NFIB: variants seen among roughly 807,000 people sequenced by gnomAD.
NFIB encodes nuclear factor 1 B-type.
A neutral mutation model predicts 61.5 loss-of-function variants in NFIB; 11 were observed. The ratio of observed to expected loss-of-function variants is 0.18; its 90% CI spans 0.11 to 0.30. The LOEUF (loss-of-function observed/expected upper bound fraction) is 0.30, where lower values mean the gene tolerates loss of function less well. Ranked by LOEUF, NFIB falls within the 10% of genes least tolerant of loss-of-function variation. The pLI is 1.00. For synonymous variants in NFIB, 260 were observed against 216.5 expected, an observed-to-expected ratio of 1.20 and a Z score of -1.76; for missense variants, 471 against 608.9, an observed-to-expected ratio of 0.77 and a Z score of 2.38.
intron 1 of NFIB, among the ~76,000 whole-genome samples, chr9:14,376,556 G>A (rs547121601): frequency 1.2e-4 from 18 of 145,706 alleles, no homozygotes; most frequent in East Asian, 6.0e-4. Context: ...TCACTCTGTC[G>A]TTCAGGGTGG....
chr9:14,134,375 TCTAC>T (rs2040756679), intron 6 of NFIB, among the ~76,000 whole-genome samples: 1 of 152,096 alleles, frequency 6.6e-6, no homozygotes, highest in Non-Finnish European at 1.5e-5. Flanking sequence ...TCACTGAACT[TCTAC>T]TTGGTGACTT....
intron 4 of NFIB, among the ~76,000 whole-genome samples, chr9:14,153,803 C>A (rs897340530): frequency 6.6e-6 from 1 of 152,022 alleles, no homozygotes; most frequent in Middle Eastern, 3.2e-3. Context: ...TTAGCAAACC[C>A]CTATTTCATA....
rs575956551 is a variant in NFIB, at chr9:14,232,062, A to G, written c.563-52282T>C. The stretch of plus-strand genomic sequence containing the variant: ...TCGCAGTCTCTTATCAGTATGGAAC[A>G]GTATGATTTTACTCTAGTTTTTTGT... On this transcript the variant is annotated intron_variant, in intron 2 of 10. Coordinates refer to ENST00000380953, the MANE Select transcript of NFIB (RefSeq NM_001190737.2). Among the ~76,000 whole-genome samples the G allele has an allele frequency of 2.6e-5, 4 of 152,320 alleles. No homozygotes were observed. In the East Asian group the frequency reaches 7.7e-4, roughly 29 times the overall value.
chr9:14,375,901 A>C (rs555237749), intron 1 of NFIB, among the ~76,000 whole-genome samples: 2 of 152,326 alleles, frequency 1.3e-5, no homozygotes, highest in East Asian at 3.9e-4. Context: ...TACATCATCC[A>C]AGGCTTATTC....
At chr9:14,315,661 C>T (rs1010505858), upstream of NFIB, among the ~76,000 whole-genome samples, 1 of 149,816 alleles carries the variant, frequency 6.7e-6, no homozygotes, top group African/African-American at 2.4e-5. Context: ...CCCCGTCGCC[C>T]GTGCAGGCTC....
At chr9:14,093,290 G>A (rs759810749) in intron 10 of NFIB, among the ~76,000 whole-genome samples, 3 of 152,034 alleles carry the variant, frequency 2.0e-5, no homozygotes, top group African/African-American at 4.8e-5. Context: ...TAAGTATCCA[G>A]TATACGAATA....
Position 14,364,743 on chromosome 9 carries a change from G to A in NFIB, c.108+33781C>T, listed in dbSNP as rs568800980. On this transcript the variant is annotated intron_variant, in intron 1 of 8. Transcript: ENST00000380934. ...TATCCAGTCTTAAAGAGCACGTTTTGACAGTTACTATGGTTTACCTCTCCA... is the reference window on the plus strand; with the variant it reads ...TATCCAGTCTTAAAGAGCACGTTTTAACAGTTACTATGGTTTACCTCTCCA... 2.6e-5 allele frequency among the ~76,000 whole-genome samples: 4 copies of A among 152,318 alleles called. No individual in the cohort carries two copies. The East Asian group carries it at 7.7e-4, about 29-fold the overall frequency.
chr9:14,179,636 C>G (rs948980707), intron 3 of NFIB, 91 bp downstream of exon 3: 1 of 1,385,290 alleles, frequency 7.2e-7, no homozygotes, highest in Non-Finnish European at 1.0e-6. Flanking sequence ...ACAAAATAGG[C>G]AGCTGACCAA....
intron 2 of NFIB, among the ~76,000 whole-genome samples, chr9:14,196,688 T>TAA (rs35353437): frequency 2.1e-5 from 3 of 140,410 alleles, no homozygotes; most frequent in Non-Finnish European, 3.1e-5. Context: ...TATTCTAACT[T>TAA]AAAAAAAAAA....
At chr9:14,523,051 T>C in the NFIB span, among the ~76,000 whole-genome samples, 4 of 152,172 alleles carry the variant, frequency 2.6e-5, no homozygotes, top group Admixed American at 6.5e-5. Context: ...AAAGAAAAGT[T>C]TCTGCTGGTA....
At chr9:14,324,903 A>G (rs912439777) in intron 1 of NFIB, among the ~76,000 whole-genome samples, 35 of 152,262 alleles carry the variant, frequency 2.3e-4, no homozygotes, top group Middle Eastern at 3.4e-3. Flanking sequence ...CTGATTTTCA[A>G]GCATGTCTTA....
intron 1 of NFIB, among the ~76,000 whole-genome samples, chr9:14,391,786 C>T (rs558217204): frequency 6.6e-6 from 1 of 152,174 alleles, no homozygotes; most frequent in Non-Finnish European, 1.5e-5. Flanking sequence ...CAGGGCTGAA[C>T]AGGACACTGA....
At chr9:14,248,569 C>A (rs1289881036) in intron 2 of NFIB, among the ~76,000 whole-genome samples, 1 of 152,158 alleles carries the variant, frequency 6.6e-6, no homozygotes, top group Non-Finnish European at 1.5e-5. Flanking sequence ...CCACGCCCGG[C>A]CTCTATTACT....
chr9:14,164,022 A>G (rs1486072061), intron 3 of NFIB, among the ~76,000 whole-genome samples: 4 of 151,680 alleles, frequency 2.6e-5, no homozygotes, highest in Admixed American at 2.6e-4. Flanking sequence ...AAAGAAACCC[A>G]TTACTTACCA....
At chr9:14,256,696 A>T (rs2132188480) in intron 2 of NFIB, among the ~76,000 whole-genome samples, 1 of 152,334 alleles carries the variant, frequency 6.6e-6, no homozygotes, top group Non-Finnish European at 1.5e-5. Context: ...AATCACTGTG[A>T]GCTCATAAAA....
At chr9:14,492,204 A>G in the NFIB span, among the ~76,000 whole-genome samples, 1 of 151,996 alleles carries the variant, frequency 6.6e-6, no homozygotes, top group African/African-American at 2.4e-5. Flanking sequence ...TCTACTAAAA[A>G]TATGAAAAAT....
the NFIB span, among the ~76,000 whole-genome samples, chr9:14,454,985 A>T: frequency 2.0e-5 from 3 of 152,232 alleles, no homozygotes; most frequent in African/African-American, 7.2e-5. Context: ...GCTGAGTGGG[A>T]ATAGGTATGT....
intron 10 of NFIB, among the ~76,000 whole-genome samples, chr9:14,101,017 C>G (rs2035701566): frequency 6.6e-6 from 1 of 151,930 alleles, no homozygotes; most frequent in South Asian, 2.1e-4. Flanking sequence ...ATTCAATTAC[C>G]TTTTATTAAA....
At chr9:14,357,719 C>G (rs1263336879) in intron 1 of NFIB, 1 of 152,070 alleles carries the variant, frequency 6.6e-6, no homozygotes, top group Non-Finnish European at 1.5e-5. Context: ...TTCATAATAG[C>G]CAAAAAGGGA....
Sources: gnomAD v4.1 joint callset for allele counts (sites outside exome capture counted in the v4.1 genomes callset) on GRCh38, gnomAD v4.1.1 for gene constraint, MANE v1.5 for transcripts, NCBI Gene and HGNC (gene_info 2026-07-23, HGNC 2026-07-21) for gene names.